KPNA7: variants seen among roughly 807,000 people sequenced by gnomAD.
KPNA7 encodes karyopherin subunit alpha 7.
A neutral mutation model predicts 53.7 loss-of-function variants in KPNA7; 54 were observed. The ratio of observed to expected loss-of-function variants is 1.01; its 90% CI spans 0.81 to 1.26. KPNA7 has a LOEUF of 1.26. Ranked by LOEUF, KPNA7 falls within the 50% of genes most tolerant of loss-of-function variation. KPNA7 has a pLI of 0.00. For missense variants in KPNA7, 640 were observed against 644.5 expected (o/e 0.99, Z 0.07); for synonymous variants, 276 against 259.3 (o/e 1.06, Z -0.62).
In KPNA7 at chr7:99,187,305, T is replaced by C. The variant is rs1004182921; in HGVS notation, c.900+995A>G. 8.6e-5 allele frequency among the ~76,000 whole-genome samples: 13 copies of C among 151,932 alleles called. No individual in the cohort carries two copies. The South Asian group carries it at 1.7e-3, about 19-fold the overall frequency. ...TCCGTCTCACACACAAAAAAAATAA[T>C]AACCTAGAAAAGCAATTAGTAATGG... On this transcript the variant is annotated intron_variant, in intron 7 of 10. Transcript: ENST00000327442.
At position 99,187,689 on chromosome 7, in the gene KPNA7, A is replaced by T. The variant is rs191790431; in HGVS notation, c.900+611T>A. ...CTGCCTCAGCCTCCCGAGTAGCTGG[A>T]ATTACAGCTGTGCGCCATCACACTC... On this transcript the variant is annotated intron_variant, in intron 7 of 10. Coordinates refer to ENST00000327442, the MANE Select transcript of KPNA7 (RefSeq NM_001145715.3). 1.2e-3 allele frequency among the ~76,000 whole-genome samples: 180 copies of T among 150,780 alleles called. 1 individual carries two copies. The highest frequency in any genetic ancestry group is 3.4e-3 in the Middle Eastern group (1 of 290).
upstream of KPNA7, among the ~76,000 whole-genome samples, chr7:99,211,061 A>G (rs1213991350): frequency 6.6e-6 from 1 of 152,136 alleles, no homozygotes; most frequent in Non-Finnish European, 1.5e-5. Context: ...TTTTGGTAGA[A>G]AAGACTAATT....
chr7:99,146,074 C>T, the KPNA7 span, among the ~76,000 whole-genome samples: 1 of 152,108 alleles, frequency 6.6e-6, no homozygotes, highest in Non-Finnish European at 1.5e-5. Context: ...CCAAGTAATC[C>T]CCATTCTTCT....
At chr7:99,172,383 G>A (rs1442827167), downstream of KPNA7, among the ~76,000 whole-genome samples, 1 of 152,140 alleles carries the variant, frequency 6.6e-6, no homozygotes, top group African/African-American at 2.4e-5. Flanking sequence ...GTTCATTTAA[G>A]TTATAAAAAT....
At chr7:99,164,980 C>T in the KPNA7 span, among the ~76,000 whole-genome samples, 1 of 151,888 alleles carries the variant, frequency 6.6e-6, no homozygotes. Context: ...GCCTGTAGTC[C>T]CAGCTACTAG....
At chr7:99,181,846 C>T (rs377614526) in intron 9 of KPNA7, 37 bp downstream of exon 9, 10 of 1,455,920 alleles carry the variant, frequency 6.9e-6, no homozygotes, top group Non-Finnish European at 9.2e-6. Context: ...CAGTTGGAGA[C>T]AGCTATTTAC....
rs138074802 is a variant in KPNA7, at chr7:99,176,005, T to A, written c.1464+1915A>T. On this transcript the variant is annotated intron_variant, in intron 10 of 10. Transcript: ENST00000327442. Reference sequence around the variant, plus strand: ...TAAATGTGAGGTTGCCTTCCTCATATGAAAAATTTCTGCTGGGCGTGGTGG... The same window carrying A: ...TAAATGTGAGGTTGCCTTCCTCATAAGAAAAATTTCTGCTGGGCGTGGTGG... Among the ~76,000 whole-genome samples, 324 of 152,210 alleles carry A rather than the reference T, an allele frequency of 2.1e-3. 1 individual carries two copies. The highest frequency in any genetic ancestry group is 6.9e-3 in the African/African-American group (288 of 41,552).
upstream of KPNA7, among the ~76,000 whole-genome samples, chr7:99,213,020 GT>G (rs778222079): frequency 7.9e-5 from 12 of 152,062 alleles, no homozygotes; most frequent in Non-Finnish European, 1.5e-4. Context: ...CAAAATTTGG[GT>G]TTAAATGAGA....
At chr7:99,146,516 C>T in the KPNA7 span, among the ~76,000 whole-genome samples, 1 of 151,934 alleles carries the variant, frequency 6.6e-6, no homozygotes, top group African/African-American at 2.4e-5. Flanking sequence ...GAGTTCGAGA[C>T]CAGCCTGGCT....
chr7:99,177,163 T>G (rs555194347), intron 10 of KPNA7, among the ~76,000 whole-genome samples: 228 of 152,312 alleles, frequency 1.5e-3, no homozygotes, highest in Non-Finnish European at 2.4e-3. Flanking sequence ...ATGAGGTCCC[T>G]AGAATAGTCA....
Position 99,188,195 on chromosome 7 carries a change from A to AAAAAAG in KPNA7, c.900+104_900+105insCTTTTT, listed in dbSNP as rs779112006. On this transcript the variant is annotated intron_variant, in intron 7 of 10. Transcript: ENST00000327442. ...GTCTCAAAAAAAAAAAAAAAAAAAA[A>AAAAAAG]AAAGCAAAGACCAGGGAAATGCAGA... 4,179 of 638,852 alleles carry AAAAAAG rather than the reference A, an allele frequency of 6.5e-3. 22 individuals are homozygous for AAAAAAG. Among genetic ancestry groups the AAAAAAG allele is most frequent in the East Asian group, 0.019 (463 of 24,796 alleles). The allele number at this position is 638,852 out of a possible 1,614,324, so 39.6% of individuals were successfully genotyped here. A position where few individuals can be genotyped will look rare whatever the true frequency, so the allele number is the denominator to read the frequency against.
chr7:99,200,133 C>T (rs957237820), intron 3 of KPNA7, among the ~76,000 whole-genome samples: 3 of 152,110 alleles, frequency 2.0e-5, no homozygotes, highest in Non-Finnish European at 4.4e-5. Flanking sequence ...GAACTCCTGA[C>T]CTCAAGTGAT....
the KPNA7 span, among the ~76,000 whole-genome samples, chr7:99,156,384 G>A: frequency 0.93 from 141,589 of 152,234 alleles, 65,998 homozygotes; most frequent in East Asian, 1. Flanking sequence ...TCTATTTTTT[G>A]TTTCTGGAAA....
chr7:99,171,440 TC>T (rs1798767685), downstream of KPNA7, among the ~76,000 whole-genome samples: 1 of 151,282 alleles, frequency 6.6e-6, no homozygotes, highest in Non-Finnish European at 1.5e-5. Context: ...GCCTACCTCC[TC>T]ATGCGATCGT....
At chr7:99,215,845 A>G (rs1791206425) in intron 1 of KPNA7, among the ~76,000 whole-genome samples, 1 of 152,032 alleles carries the variant, frequency 6.6e-6, no homozygotes, top group Admixed American at 6.6e-5. Flanking sequence ...TGGTTGCTGT[A>G]CAACTGCAGT....
At chr7:99,155,541 G>A in the KPNA7 span, among the ~76,000 whole-genome samples, 6 of 151,716 alleles carry the variant, frequency 4.0e-5, no homozygotes, top group African/African-American at 1.5e-4. Context: ...TCCTTTTACT[G>A]ATGGAAGAAA....
downstream of KPNA7, among the ~76,000 whole-genome samples, chr7:99,173,248 T>C (rs1479166313): frequency 1.3e-5 from 2 of 152,094 alleles, no homozygotes; most frequent in Non-Finnish European, 2.9e-5. Context: ...TGGAGTACAA[T>C]GGCTCCATCT....
intron 10 of KPNA7, among the ~76,000 whole-genome samples, chr7:99,175,432 G>T (rs983260978): frequency 2.0e-5 from 3 of 151,806 alleles, no homozygotes; most frequent in Non-Finnish European, 2.9e-5. Flanking sequence ...ACCTGTCTTA[G>T]CTTCCCAAAG....
At position 99,178,153 on chromosome 7, in the gene KPNA7, G is replaced by C. The variant is rs932347092; in HGVS notation, c.1318-87C>G. ...TGTCAGCCCTCAAGGGAGCTGCCCC[G>C]AGTGGAAGCAGACCAAAGGCTACCA... is the stretch of plus-strand genomic sequence containing the variant. On this transcript the variant is annotated intron_variant, in intron 9 of 10. Transcript: ENST00000327442. 2.5e-6 allele frequency: 3 copies of C among 1,208,276 alleles called. No individual in the cohort carries two copies. In the African/African-American group the frequency reaches 4.6e-5, roughly 19 times the overall value. The allele number at this position is 1,208,276 out of a possible 1,614,324, so 74.8% of individuals were successfully genotyped here. A position where few individuals can be genotyped will look rare whatever the true frequency, so the allele number is the denominator to read the frequency against.
Sources: gnomAD v4.1 joint callset for allele counts (sites outside exome capture counted in the v4.1 genomes callset) on GRCh38, gnomAD v4.1.1 for gene constraint, MANE v1.5 for transcripts, NCBI Gene and HGNC (gene_info 2026-07-23, HGNC 2026-07-21) for gene names.